ARHGAP15: variants seen among roughly 807,000 people sequenced by gnomAD.
The protein encoded by ARHGAP15 is Rho GTPase activating protein 15, also known as rho GTPase-activating protein 15.
In ARHGAP15, 51 loss-of-function variants were observed where a neutral mutation model predicts 63.7. The observed-to-expected ratio is 0.80, with a 90% CI of 0.64 to 1.01. The LOEUF is 1.01. ARHGAP15 is among the 50% of genes least tolerant of loss of function. ARHGAP15 has a pLI of 0.00. For synonymous variants in ARHGAP15, 191 were observed against 193.8 expected, an observed-to-expected ratio of 0.99 and a Z score of 0.12; for missense variants, 560 against 564.6, an observed-to-expected ratio of 0.99 and a Z score of 0.08.
chr2:143,758,756 T>C (rs796693341), intron 13 of ARHGAP15, among the ~76,000 whole-genome samples: 9 of 152,254 alleles, frequency 5.9e-5, no homozygotes, highest in African/African-American at 2.2e-4. Context: ...AGCCATAACT[T>C]GATAATCTGG....
intron 10 of ARHGAP15, among the ~76,000 whole-genome samples, chr2:143,542,659 TATATATATG>T (rs1407034971): frequency 2.3e-5 from 3 of 130,372 alleles, no homozygotes; most frequent in Non-Finnish European, 5.3e-5. Flanking sequence ...TGATATATAT[TATATATATG>T]ATATATATGA....
intron 6 of ARHGAP15, among the ~76,000 whole-genome samples, chr2:143,432,289 A>T (rs1689423112): frequency 1.3e-5 from 2 of 152,068 alleles, no homozygotes; most frequent in African/African-American, 4.8e-5. Flanking sequence ...CATTTAAATT[A>T]AAAAATCTAA....
intron 12 of ARHGAP15, among the ~76,000 whole-genome samples, chr2:143,634,319 C>T (rs576034612): frequency 2.0e-5 from 3 of 152,238 alleles, no homozygotes; most frequent in African/African-American, 7.2e-5. Context: ...GCACCGCACA[C>T]CACCACCTGT....
intron 6 of ARHGAP15, among the ~76,000 whole-genome samples, chr2:143,346,220 T>A (rs4662201): frequency 2.2e-4 from 27 of 124,920 alleles, no homozygotes; most frequent in Non-Finnish European, 3.3e-4. Context: ...ACACTCTCTC[T>A]CACACACACT....
chr2:143,211,955 A>C (rs1692578745), intron 3 of ARHGAP15, among the ~76,000 whole-genome samples: 1 of 152,208 alleles, frequency 6.6e-6, no homozygotes, highest in African/African-American at 2.4e-5. Flanking sequence ...ATGAGGCATA[A>C]GGACCATGTG....
chr2:143,642,305 G>A (rs1431212343), intron 12 of ARHGAP15, among the ~76,000 whole-genome samples: 2 of 151,992 alleles, frequency 1.3e-5, no homozygotes, highest in East Asian at 3.9e-4. Context: ...TGTTGGGGGG[G>A]ATTTCAGAAT....
At chr2:143,544,488 T>C (rs948583360) in intron 10 of ARHGAP15, among the ~76,000 whole-genome samples, 1 of 152,228 alleles carries the variant, frequency 6.6e-6, no homozygotes, top group Non-Finnish European at 1.5e-5. Flanking sequence ...CATGTGTATA[T>C]ATGTATATGT....
chr2:143,390,295 G>A lies in ARHGAP15; in HGVS notation c.475-45306G>A, dbSNP rs1018841547. On this transcript the variant is annotated intron_variant, in intron 6 of 13. Transcript: ENST00000295095. ...AAGACCCTGGCGATTCCTTTTAGAC[G>A]TTATTTTATGAAATAATACCTGTCA... Among the ~76,000 whole-genome samples the A allele has an allele frequency of 9.2e-5, 14 of 152,188 alleles. No homozygotes were observed. The East Asian group carries it at 1.7e-3, about 19-fold the overall frequency.
chr2:143,409,416 C>G (rs557542587), intron 6 of ARHGAP15, among the ~76,000 whole-genome samples: 5 of 151,800 alleles, frequency 3.3e-5, no homozygotes, highest in Non-Finnish European at 7.4e-5. Flanking sequence ...GTGTTAATTC[C>G]GCAAGGGAAT....
intron 13 of ARHGAP15, among the ~76,000 whole-genome samples, chr2:143,746,794 C>A (rs868257171): frequency 6.6e-6 from 1 of 152,058 alleles, no homozygotes; most frequent in African/African-American, 2.4e-5. Flanking sequence ...AGCAAATAAG[C>A]AAGTGATCAG....
chr2:143,285,549 A>G (rs1682051796), intron 6 of ARHGAP15, among the ~76,000 whole-genome samples: 1 of 152,184 alleles, frequency 6.6e-6, no homozygotes, highest in Admixed American at 6.5e-5. Context: ...GAACTACTAT[A>G]GCATAAAGGC....
At chr2:143,673,762 A>G (rs868399871) in intron 12 of ARHGAP15, among the ~76,000 whole-genome samples, 79 of 77,682 alleles carry the variant, frequency 1.0e-3, no homozygotes, top group African/African-American at 2.5e-3. Context: ...GTGTGTGTAT[A>G]TATATATATA....
intron 13 of ARHGAP15, among the ~76,000 whole-genome samples, chr2:143,758,280 GTATATA>G (rs929475044): frequency 6.6e-6 from 1 of 150,894 alleles, no homozygotes; most frequent in East Asian, 1.9e-4. Context: ...AAGTGTGTGT[GTATATA>G]TATATAAATA....
rs115707949 is a variant in ARHGAP15 at position 143,244,624 on chromosome 2, C to G, written c.385-5887C>G. On this transcript the variant is annotated intron_variant, in intron 5 of 13. Coordinates refer to ENST00000295095, the MANE Select transcript of ARHGAP15 (RefSeq NM_018460.4). Reference sequence around the variant, plus strand: ...TGAAGAATGGGAGAACGCATAGAACCGAGAGGGATGGTTGGAGGAGGACAG... The same window carrying G: ...TGAAGAATGGGAGAACGCATAGAACGGAGAGGGATGGTTGGAGGAGGACAG... Among the ~76,000 whole-genome samples the G allele has an allele frequency of 3.8e-3, 583 of 152,136 alleles. 4 individuals are homozygous for G. Among genetic ancestry groups the G allele is most frequent in the African/African-American group, 0.013 (538 of 41,512 alleles).
chr2:143,298,807 T>C (rs998481723), intron 6 of ARHGAP15, among the ~76,000 whole-genome samples: 4 of 151,390 alleles, frequency 2.6e-5, no homozygotes, highest in African/African-American at 9.8e-5. Context: ...AATTAAATTA[T>C]CAAAGTAATT....
At chr2:143,396,614 AG>A (rs1687772217) in intron 6 of ARHGAP15, among the ~76,000 whole-genome samples, 1 of 100,504 alleles carries the variant, frequency 9.9e-6, no homozygotes, top group Admixed American at 1.3e-4. Flanking sequence ...AAGGGATTTA[AG>A]TTTTTTTTTT....
At position 143,183,617 on chromosome 2, in the gene ARHGAP15, G is replaced by T. The variant is rs1046760795; in HGVS notation, c.166-18517G>T. Among the ~76,000 whole-genome samples, 9 of 152,054 alleles carry T rather than the reference G, an allele frequency of 5.9e-5. No homozygotes were observed. In the South Asian group the frequency reaches 1.9e-3, roughly 32 times the overall value. On this transcript the variant is annotated intron_variant, in intron 2 of 13. Coordinates refer to ENST00000295095, the MANE Select transcript of ARHGAP15 (RefSeq NM_018460.4). ...GAATAAAAGTGTAGAACAGCCGAAA[G>T]GGTCCCTCAGTTTCAGGCCGAGTGT... is the stretch of plus-strand genomic sequence containing the variant.
Position 143,202,042 on chromosome 2 carries a change from G to C in ARHGAP15, c.166-92G>C. Reference sequence around the variant, plus strand: ...TTATATCTACTTAATTCACATGCTTGAATAACACTGAATTGGTTATTTTAT... The same window carrying C: ...TTATATCTACTTAATTCACATGCTTCAATAACACTGAATTGGTTATTTTAT... On this transcript the variant is annotated intron_variant, in intron 2 of 13. Coordinates refer to ENST00000295095, the MANE Select transcript of ARHGAP15 (RefSeq NM_018460.4). 8.4e-6 allele frequency: 8 copies of C among 952,654 alleles called. No individual in the cohort carries two copies. In the South Asian group the frequency reaches 1.1e-4, roughly 13 times the overall value. The allele number at this position is 952,654 out of a possible 1,614,324, so 59.0% of individuals were successfully genotyped here.
At chr2:143,175,662 G>A (rs1259824184) in intron 2 of ARHGAP15, among the ~76,000 whole-genome samples, 6 of 152,138 alleles carry the variant, frequency 3.9e-5, no homozygotes, top group South Asian at 4.1e-4. Flanking sequence ...GGTGACTAAC[G>A]CTCTCTGAAG....
Sources: gnomAD v4.1 joint callset for allele counts (sites outside exome capture counted in the v4.1 genomes callset) on GRCh38, gnomAD v4.1.1 for gene constraint, MANE v1.5 for transcripts, NCBI Gene and HGNC (gene_info 2026-07-23, HGNC 2026-07-21) for gene names.